Variants in PRKN observed in about 807,000 individuals in gnomAD.
PRKN encodes E3 ubiquitin-protein ligase parkin.
PRKN carries 56 observed loss-of-function variants against 59.5 expected under a neutral mutation model. The observed-to-expected ratio is 0.94, with a 90% CI of 0.76 to 1.18. The LOEUF (loss-of-function observed/expected upper bound fraction) is 1.18, where lower values mean the gene tolerates loss of function less well. PRKN is among the 50% of genes most tolerant of loss of function. PRKN has a pLI of 0.00. For missense variants in PRKN, 657 were observed against 596.4 expected, an observed-to-expected ratio of 1.10 and a Z score of -1.06; for synonymous variants, 250 against 222.1, an observed-to-expected ratio of 1.13 and a Z score of -1.12.
At position 161,588,945 on chromosome 6, in the gene PRKN, C is replaced by T. The variant is rs1034876913; in HGVS notation, c.872-19529G>A. Among the ~76,000 whole-genome samples the T allele has an allele frequency of 6.6e-5, 10 of 152,020 alleles. No individual in the cohort carries two copies. The East Asian group carries it at 1.9e-3, about 29-fold the overall frequency. On this transcript the variant is annotated intron_variant, in intron 7 of 11. Coordinates refer to ENST00000366898, the MANE Select transcript of PRKN (RefSeq NM_004562.3). This position sits in a 1 kb window ranked among gnomAD's most constrained non-coding sequence, Gnocchi z 5.0. ...TGTTAACCTGAAATGCAAATGTAAC[C>T]GGTATCCTCTAGTTTATCTGGCAGC... is the stretch of plus-strand genomic sequence containing the variant.
At chr6:161,820,860 G>C (rs565958154) in intron 6 of PRKN, among the ~76,000 whole-genome samples, 1 of 151,562 alleles carries the variant, frequency 6.6e-6, no homozygotes, top group African/African-American at 2.4e-5. Context: ...TGCGTATGAA[G>C]AAAATCATTA....
Position 161,655,890 on chromosome 6 carries a change from A to G in PRKN, c.872-86474T>C, listed in dbSNP as rs1582955488. Among the ~76,000 whole-genome samples the G allele has an allele frequency of 1.1e-4, 5 of 47,488 alleles. No homozygotes were observed. In the South Asian group the frequency reaches 1.7e-3, roughly 17 times the overall value. 31.2% of individuals were successfully genotyped at this position (47,488 alleles called of 152,430 possible). A position where few individuals can be genotyped will look rare whatever the true frequency, so the allele number is the denominator to read the frequency against. ...TGCACACACACACACACACATACAC[A>G]CACACACACACACACACACACACAC... is the stretch of plus-strand genomic sequence containing the variant. On this transcript the variant is annotated intron_variant, in intron 7 of 11. Transcript: ENST00000366898.
At chr6:162,333,035 T>G (rs892969291) in intron 2 of PRKN, among the ~76,000 whole-genome samples, 1 of 152,150 alleles carries the variant, frequency 6.6e-6, no homozygotes, top group African/African-American at 2.4e-5. Flanking sequence ...ACAGATATTT[T>G]GAGATAATAT....
intron 6 of PRKN, among the ~76,000 whole-genome samples, chr6:161,955,642 G>C (rs1167671978): frequency 2.0e-5 from 3 of 152,184 alleles, no homozygotes; most frequent in African/African-American, 4.8e-5. Context: ...CCTGAGGTCA[G>C]GAGTTTGAGA....
intron 6 of PRKN, among the ~76,000 whole-genome samples, chr6:161,874,157 T>TATATATA (rs1366287933): frequency 1.9e-4 from 8 of 42,742 alleles, no homozygotes; most frequent in African/African-American, 1.1e-3. Flanking sequence ...TAATATATAT[T>TATATATA]ATATATAATA....
intron 4 of PRKN, among the ~76,000 whole-genome samples, chr6:162,120,732 C>T (rs1374824842): frequency 6.6e-6 from 1 of 152,162 alleles, no homozygotes; most frequent in Non-Finnish European, 1.5e-5. Context: ...CGATATTAAA[C>T]CAGAGCCAGG....
chr6:161,790,258 G>A (rs560411133), intron 6 of PRKN, among the ~76,000 whole-genome samples: 76 of 152,218 alleles, frequency 5.0e-4, no homozygotes, highest in Non-Finnish European at 8.7e-4. Flanking sequence ...ATGCAAGTAT[G>A]CTTGGAACAG....
chr6:162,479,349 C>T (rs1026189544), intron 1 of PRKN, among the ~76,000 whole-genome samples: 1 of 151,990 alleles, frequency 6.6e-6, no homozygotes, highest in South Asian at 2.1e-4. Flanking sequence ...CCTCAGTCTC[C>T]TGAGTAGCTG....
chr6:162,013,466 T>C (rs1305642093), intron 5 of PRKN, among the ~76,000 whole-genome samples: 1 of 152,130 alleles, frequency 6.6e-6, no homozygotes, highest in East Asian at 1.9e-4. Context: ...GTGGAGAAAA[T>C]GTTCAGAAAC....
At chr6:162,162,298 C>A (rs1224338768) in intron 4 of PRKN, among the ~76,000 whole-genome samples, 1 of 152,104 alleles carries the variant, frequency 6.6e-6, no homozygotes, top group Non-Finnish European at 1.5e-5. Flanking sequence ...ATTAGGTAAT[C>A]CAGAGATGAT....
chr6:161,914,201 T>C (rs1460670192), intron 6 of PRKN, among the ~76,000 whole-genome samples: 7 of 152,182 alleles, frequency 4.6e-5, no homozygotes, highest in Non-Finnish European at 7.3e-5. Context: ...AACGTAACAC[T>C]GTAAAGCTTT....
intron 1 of PRKN, among the ~76,000 whole-genome samples, chr6:162,550,465 T>A (rs1024706484): frequency 6.6e-6 from 1 of 152,092 alleles, no homozygotes; most frequent in African/African-American, 2.4e-5. Context: ...GTTTGGGGGA[T>A]GGGCAGATGA....
rs1371938849 is a variant in PRKN at position 162,235,961 on chromosome 6, G to GAA, written c.412+26562_412+26563dup. On this transcript the variant is annotated intron_variant, in intron 3 of 11. Coordinates refer to ENST00000366898, the MANE Select transcript of PRKN (RefSeq NM_004562.3). Reference sequence around the variant, plus strand: ...AGGAAGGAAGGAAGGAAGAAAGGAAGAAAGAAAGAAAGAAAGAAAGAAAGA... The same window carrying GAA: ...AGGAAGGAAGGAAGGAAGAAAGGAAGAAAAAGAAAGAAAGAAAGAAAGAAAGA... Among the ~76,000 whole-genome samples the GAA allele has an allele frequency of 1.7e-4, 9 of 54,376 alleles. 1 individual carries two copies. The highest frequency in any genetic ancestry group is 2.7e-4 in the African/African-American group (3 of 11,100). The allele number at this position is 54,376 out of a possible 152,430, so 35.7% of individuals were successfully genotyped here. A position where few individuals can be genotyped will look rare whatever the true frequency, so the allele number is the denominator to read the frequency against.
intron 2 of PRKN, among the ~76,000 whole-genome samples, chr6:162,374,993 T>A (rs1185284412): frequency 6.6e-6 from 1 of 152,150 alleles, no homozygotes; most frequent in Non-Finnish European, 1.5e-5. Context: ...CAAAACAGAT[T>A]CTTTTTGTGT....
chr6:162,403,263 G>C (rs1787888450), intron 2 of PRKN, among the ~76,000 whole-genome samples: 1 of 152,010 alleles, frequency 6.6e-6, no homozygotes, highest in South Asian at 2.1e-4. Context: ...TCTCCTGCCA[G>C]CGAATGCTTG....
intron 9 of PRKN, among the ~76,000 whole-genome samples, chr6:161,501,415 C>A (rs534760901): frequency 1.3e-5 from 2 of 152,172 alleles, no homozygotes; most frequent in South Asian, 2.1e-4. Flanking sequence ...ATCTGTATAT[C>A]TTTTTTCGGT....
chr6:161,703,044 A>G (rs1212438865), intron 7 of PRKN, among the ~76,000 whole-genome samples: 5 of 151,732 alleles, frequency 3.3e-5, no homozygotes, highest in African/African-American at 1.2e-4. Context: ...AAAAAAAAAA[A>G]AAGAAAACAA....
chr6:162,455,317 C>T (rs570376809), intron 1 of PRKN, among the ~76,000 whole-genome samples: 24 of 152,232 alleles, frequency 1.6e-4, no homozygotes, highest in African/African-American at 5.5e-4. Context: ...TATAGTTATG[C>T]GTTTTGAGAA....
intron 2 of PRKN, among the ~76,000 whole-genome samples, chr6:162,400,156 G>A (rs931585074): frequency 1.3e-5 from 2 of 151,790 alleles, no homozygotes; most frequent in Non-Finnish European, 2.9e-5. Flanking sequence ...GCAGTGACCT[G>A]AGATTGTGCC....
Sources: allele counts gnomAD v4.1 joint callset (sites outside exome capture counted in the v4.1 genomes callset), GRCh38; gene constraint gnomAD v4.1.1; non-coding constraint Gnocchi (gnomAD v3.1); transcripts MANE v1.5; gene names NCBI Gene and HGNC (gene_info 2026-07-23, HGNC 2026-07-21).